ANKS1B: variants seen among roughly 807,000 people sequenced by gnomAD.
ANKS1B encodes ankyrin repeat and sterile alpha motif domain-containing protein 1B.
In ANKS1B, 36 loss-of-function variants were observed where a neutral mutation model predicts 148.3. The ratio of observed to expected loss-of-function variants is 0.24; its 90% CI spans 0.19 to 0.32. The LOEUF (loss-of-function observed/expected upper bound fraction) is 0.32. Among genes scored for constraint, ANKS1B ranks in the 10% least tolerant of loss-of-function variants. The pLI is 1.00. For missense variants in ANKS1B, 1,157 were observed against 1,542.6 expected, an observed-to-expected ratio of 0.75 and a Z score of 4.19; for synonymous variants, 542 against 560.8, an observed-to-expected ratio of 0.97 and a Z score of 0.47.
chr12:99,059,063 G>C (rs1324567483), intron 16 of ANKS1B, among the ~76,000 whole-genome samples: 1 of 152,100 alleles, frequency 6.6e-6, no homozygotes, highest in Non-Finnish European at 1.5e-5. Flanking sequence ...AAAAGGTCCT[G>C]TTTAAACGTT....
intron 16 of ANKS1B, among the ~76,000 whole-genome samples, chr12:99,059,806 T>TATATATATATATATA (rs10526013): frequency 3.8e-4 from 55 of 144,594 alleles, no homozygotes; most frequent in South Asian, 6.6e-4. Context: ...TATATATATA[T>TATATATATATATATA]GATAGGACGT....
At position 98,829,443 on chromosome 12, in the gene ANKS1B, G is replaced by C; in HGVS notation, c.2887-90C>G. 1.5e-6 allele frequency: 2 copies of C among 1,323,068 alleles called. No individual in the cohort carries two copies. Among genetic ancestry groups the C allele is most frequent in the Non-Finnish European group, 2.1e-6 (2 of 965,218 alleles). The allele number at this position is 1,323,068 out of a possible 1,614,324, so 82.0% of individuals were successfully genotyped here. On this transcript the variant is annotated intron_variant, in intron 18 of 26. Coordinates refer to ENST00000683438, the MANE Select transcript of ANKS1B (RefSeq NM_001352186.2). This position sits in a 1 kb window ranked among gnomAD's most constrained non-coding sequence, Gnocchi z 5.2. ...TGAAATACTGACAAGACAAACTGTG[G>C]GGGTGGGGAGTCGCTTTTGAAGCAA... is the stretch of plus-strand genomic sequence containing the variant.
chr12:99,393,728 C>T (rs186653338), intron 12 of ANKS1B, among the ~76,000 whole-genome samples: 1 of 152,272 alleles, frequency 6.6e-6, no homozygotes, highest in Admixed American at 6.5e-5. Flanking sequence ...TTCCAACCCT[C>T]TTCTTTAATA....
At chr12:99,374,103 C>A (rs1262321405) in intron 12 of ANKS1B, among the ~76,000 whole-genome samples, 1 of 152,098 alleles carries the variant, frequency 6.6e-6, no homozygotes, top group Non-Finnish European at 1.5e-5. Flanking sequence ...AAAGAATGTG[C>A]TGATTGAGAC....
chr12:98,955,505 G>A (rs1031448964), intron 17 of ANKS1B, among the ~76,000 whole-genome samples: 2 of 152,212 alleles, frequency 1.3e-5, no homozygotes, highest in Admixed American at 1.3e-4. Flanking sequence ...CAAGGTGGAG[G>A]TGGGAAGACG....
At position 98,745,731 on chromosome 12, in the gene ANKS1B, G is replaced by C; in HGVS notation, c.*8C>G. The C allele has an allele frequency of 6.2e-7, 1 of 1,613,258 alleles. No homozygotes were observed. Among genetic ancestry groups the C allele is most frequent in the Non-Finnish European group, 8.5e-7 (1 of 1,179,512 alleles). ...CAAGGCACCGCGAGGACAGGAGGAC[G>C]GCGAGTATCAGAAAATCGTGGTTTC... On this transcript the variant is annotated 3_prime_UTR_variant, in exon 27 of 27. Coordinates refer to ENST00000683438, the MANE Select transcript of ANKS1B (RefSeq NM_001352186.2).
At chr12:99,690,657 G>A (rs1488369202) in intron 8 of ANKS1B, among the ~76,000 whole-genome samples, 1 of 152,180 alleles carries the variant, frequency 6.6e-6, no homozygotes, top group Non-Finnish European at 1.5e-5. Context: ...GATGCAAGAG[G>A]TGGTCTCCCA....
chr12:99,085,918 T>C (rs1208802267), intron 15 of ANKS1B, among the ~76,000 whole-genome samples: 2 of 152,148 alleles, frequency 1.3e-5, no homozygotes. Flanking sequence ...AGTACTAGGC[T>C]TAACACCTGG....
rs1261340016 is a variant in ANKS1B, at chr12:99,154,389, C to T, written c.2426G>A (p.Arg809Lys). 1.9e-6 allele frequency: 3 copies of T among 1,613,600 alleles called. No individual in the cohort carries two copies. In the African/African-American group the frequency reaches 4.0e-5, roughly 22 times the overall value. The change falls in exon 15 of 27, where the codon AGA (arginine) becomes AAA (lysine). Residue 809 changes from arginine to lysine, a missense_variant. Physicochemically the swap from Arg to Lys is conservative, Grantham distance 26. Coordinates refer to ENST00000683438, the MANE Select transcript of ANKS1B (RefSeq NM_001352186.2). ...TTGTCCCACTGTTTGGACAGGGCAT[C>T]TGGGTCCTGTAAGAGGATGAAGAGG... ...KEMNGETTRP[R>K]CPVQTVGQWL...
chr12:99,771,278 C>CTA (rs930142374), intron 8 of ANKS1B, among the ~76,000 whole-genome samples: 8 of 151,596 alleles, frequency 5.3e-5, no homozygotes, highest in South Asian at 4.2e-4. Context: ...GAAATGCAGT[C>CTA]TATATATATA....
chr12:99,813,357 A>G (rs960895529), intron 2 of ANKS1B, among the ~76,000 whole-genome samples: 1 of 151,484 alleles, frequency 6.6e-6, no homozygotes, highest in Non-Finnish European at 1.5e-5. Context: ...TCACTAAATG[A>G]AATGCTAGTC....
chr12:98,836,454 C>T (rs182452135), intron 17 of ANKS1B, among the ~76,000 whole-genome samples: 3 of 152,192 alleles, frequency 2.0e-5, no homozygotes, highest in East Asian at 1.9e-4. Context: ...GGCTTCAAAA[C>T]GCCCAAGTTG....
intron 12 of ANKS1B, among the ~76,000 whole-genome samples, chr12:99,347,941 CAAAG>C (rs2090941463): frequency 6.6e-6 from 1 of 151,576 alleles, no homozygotes; most frequent in Non-Finnish European, 1.5e-5. Context: ...AAGCCATAGA[CAAAG>C]AACCAAAGGA....
chr12:99,769,023 T>TC (rs1395068977), intron 8 of ANKS1B, among the ~76,000 whole-genome samples: 3 of 151,578 alleles, frequency 2.0e-5, no homozygotes, highest in African/African-American at 7.3e-5. Context: ...TTTTTTTTTT[T>TC]TCCAAGCCAC....
chr12:99,978,490 C>T (rs2095654835), intron 1 of ANKS1B, among the ~76,000 whole-genome samples: 1 of 152,238 alleles, frequency 6.6e-6, no homozygotes, highest in Admixed American at 6.5e-5. Flanking sequence ...CCACTTCAAA[C>T]ATCATTACTA....
chr12:98,943,715 GCCAA>G (rs1017183563), intron 17 of ANKS1B, among the ~76,000 whole-genome samples: 10 of 152,124 alleles, frequency 6.6e-5, no homozygotes, highest in Non-Finnish European at 1.5e-5. Context: ...TTATTTTAAG[GCCAA>G]CCGTTTGGCA....
At chr12:99,158,001 T>C (rs934566735) in intron 14 of ANKS1B, among the ~76,000 whole-genome samples, 1 of 152,020 alleles carries the variant, frequency 6.6e-6, no homozygotes, top group African/African-American at 2.4e-5. Flanking sequence ...AATTTTTACA[T>C]GTTGACAAAA....
intron 8 of ANKS1B, among the ~76,000 whole-genome samples, chr12:99,663,209 T>C (rs1387979089): frequency 2.0e-5 from 3 of 152,106 alleles, no homozygotes; most frequent in Non-Finnish European, 4.4e-5. Context: ...AGATAGATGA[T>C]AGGTCAGTGA....
At chr12:98,916,072 T>C (rs994747161) in intron 17 of ANKS1B, among the ~76,000 whole-genome samples, 4 of 152,228 alleles carry the variant, frequency 2.6e-5, no homozygotes, top group East Asian at 1.9e-4. Flanking sequence ...CAGACAATTA[T>C]TGACGTATGT....
Sources: gnomAD v4.1 joint callset for allele counts (sites outside exome capture counted in the v4.1 genomes callset) on GRCh38, gnomAD v4.1.1 for gene constraint, Gnocchi (gnomAD v3.1) non-coding constraint, MANE v1.5 for transcripts, NCBI Gene and HGNC (gene_info 2026-07-23, HGNC 2026-07-21) for gene names.